Variants in CLNK observed in about 807,000 individuals in gnomAD.
CLNK encodes cytokine-dependent hematopoietic cell linker.
Under a neutral mutation model 68.6 loss-of-function variants are expected in CLNK, and 74 were observed. The ratio of observed to expected loss-of-function variants is 1.08; its 90% CI spans 0.89 to 1.31. The LOEUF is 1.31. Ranked by LOEUF, CLNK falls within the 50% of genes most tolerant of loss-of-function variation. The probability of loss-of-function intolerance (pLI) is 0.00; values close to 1 mark genes in which losing one functional copy is unlikely to be tolerated. For synonymous variants in CLNK, 198 were observed against 172.2 expected, an observed-to-expected ratio of 1.15 and a Z score of -1.17; for missense variants, 553 against 515.3, an observed-to-expected ratio of 1.07 and a Z score of -0.71.
intron 8 of CLNK, among the ~76,000 whole-genome samples, chr4:10,546,226 C>A (rs1008710709): frequency 2.6e-5 from 4 of 152,160 alleles, no homozygotes; most frequent in Non-Finnish European, 5.9e-5. Context: ...CCAAATTTAT[C>A]CACTCTACTT....
the CLNK span, among the ~76,000 whole-genome samples, chr4:10,734,431 G>T: frequency 1.3e-5 from 2 of 152,146 alleles, no homozygotes; most frequent in South Asian, 4.1e-4. Flanking sequence ...CTTTATCAGA[G>T]AATTCAGGTC....
the CLNK span, among the ~76,000 whole-genome samples, chr4:10,731,326 G>A: frequency 9.2e-5 from 14 of 152,086 alleles, no homozygotes; most frequent in Admixed American, 5.9e-4. Context: ...ACAGTCTCTC[G>A]CAATGCAACC....
At chr4:10,569,526 CTG>C (rs1720260255) in intron 5 of CLNK, among the ~76,000 whole-genome samples, 1 of 152,158 alleles carries the variant, frequency 6.6e-6, no homozygotes, top group Non-Finnish European at 1.5e-5. Context: ...AAATAAACCT[CTG>C]TTGTTTGAGC....
intron 11 of CLNK, among the ~76,000 whole-genome samples, chr4:10,535,912 G>A (rs1373341777): frequency 6.6e-6 from 1 of 152,098 alleles, no homozygotes; most frequent in Non-Finnish European, 1.5e-5. Flanking sequence ...TACATAAGTG[G>A]CTGAGAATGT....
chr4:10,680,975 G>A (rs1725073965), intron 1 of CLNK, among the ~76,000 whole-genome samples: 1 of 150,824 alleles, frequency 6.6e-6, no homozygotes, highest in Admixed American at 6.7e-5. Flanking sequence ...GCCCATGAGT[G>A]AGGACGTCCT....
At position 10,507,996 on chromosome 4, in the gene CLNK, C is replaced by A; in HGVS notation, c.947G>T (p.Arg316Leu). ...CATGAATGCCTCTTCCACTGCCTGG[C>A]GGCTGTATTCTCCAATGTACCATTC... The part of the protein sequence containing the change: ...HNEWYIGEYS[R>L]QAVEEAFMKE... The change falls in exon 17 of 19, where the codon CGC becomes CTC. Residue 316 changes from arginine (R) to leucine (L), a missense_variant. By Grantham distance (102) the Arg-to-Leu change is moderately radical. Coordinates refer to ENST00000226951, the MANE Select transcript of CLNK (RefSeq NM_052964.4). The A allele has an allele frequency of 1.9e-6, 3 of 1,610,662 alleles. No individual in the cohort carries two copies. The highest frequency in any genetic ancestry group is 1.3e-5 in the African/African-American group (1 of 75,018).
chr4:10,617,376 A>T (rs1722277792), intron 2 of CLNK, among the ~76,000 whole-genome samples: 1 of 152,196 alleles, frequency 6.6e-6, no homozygotes, highest in Non-Finnish European at 1.5e-5. Flanking sequence ...CCCCAAAAGA[A>T]TATTTGTTAA....
intron 1 of CLNK, among the ~76,000 whole-genome samples, chr4:10,668,967 A>G (rs1018737545): frequency 1.3e-5 from 2 of 152,168 alleles, no homozygotes; most frequent in Non-Finnish European, 2.9e-5. Flanking sequence ...AGTGGGTTTT[A>G]CAGTTAGACA....
At chr4:10,676,922 C>T (rs6844152) in intron 1 of CLNK, among the ~76,000 whole-genome samples, 6,163 of 151,082 alleles carry the variant, frequency 0.041, 188 homozygotes, top group Middle Eastern at 0.099. Context: ...CCAAGTTTGC[C>T]AAAATCCTAA....
At chr4:10,507,594 G>A (rs188174816) in intron 17 of CLNK, among the ~76,000 whole-genome samples, 10 of 152,108 alleles carry the variant, frequency 6.6e-5, no homozygotes, top group African/African-American at 2.2e-4. Context: ...CTCCTGAGTA[G>A]CTTGGATTAC....
chr4:10,646,294 G>A (rs547237190), intron 2 of CLNK, among the ~76,000 whole-genome samples: 119 of 152,120 alleles, frequency 7.8e-4, no homozygotes, highest in Non-Finnish European at 2.4e-4. Flanking sequence ...TAACTTGAAC[G>A]CTTCTTTTAA....
At chr4:10,705,027 C>G in the CLNK span, among the ~76,000 whole-genome samples, 1 of 152,042 alleles carries the variant, frequency 6.6e-6, no homozygotes, top group Admixed American at 6.6e-5. Flanking sequence ...AGGGAAGTAA[C>G]TTCATTAAGC....
intron 1 of CLNK, among the ~76,000 whole-genome samples, chr4:10,680,208 TC>T (rs1725042321): frequency 6.6e-6 from 1 of 151,984 alleles, no homozygotes; most frequent in Non-Finnish European, 1.5e-5. Context: ...TGAGTTCATG[TC>T]CTTTGTAGGG....
chr4:10,634,557 G>A (rs1002983249), intron 2 of CLNK, among the ~76,000 whole-genome samples: 1 of 152,120 alleles, frequency 6.6e-6, no homozygotes, highest in Non-Finnish European at 1.5e-5. Flanking sequence ...CTGCCTACTG[G>A]GCTTACACTG....
upstream of CLNK, chr4:10,685,055 A>G (rs1264833254): frequency 6.6e-6 from 1 of 152,232 alleles, no homozygotes; most frequent in Non-Finnish European, 1.5e-5. Context: ...ACACTCAAGC[A>G]TGGAAGGTGG....
At chr4:10,542,848 AGGT>A (rs1329354511) in intron 8 of CLNK, among the ~76,000 whole-genome samples, 1 of 152,076 alleles carries the variant, frequency 6.6e-6, no homozygotes, top group Non-Finnish European at 1.5e-5. Flanking sequence ...AGGACAAACT[AGGT>A]GGGATAATTT....
intron 10 of CLNK, 148 bp downstream of exon 10, chr4:10,541,874 T>G (rs976888638): frequency 2.3e-5 from 15 of 652,318 alleles, no homozygotes; most frequent in Non-Finnish European, 3.1e-5. Context: ...GAACATCTCA[T>G]ATTAGTTTTT....
intron 13 of CLNK, among the ~76,000 whole-genome samples, chr4:10,526,808 C>T (rs949100816): frequency 1.3e-5 from 2 of 152,168 alleles, no homozygotes; most frequent in Non-Finnish European, 2.9e-5. Flanking sequence ...TATGTTCCTG[C>T]TTTTTATTTT....
chr4:10,699,494 C>CTA, the CLNK span, among the ~76,000 whole-genome samples: 48 of 56,988 alleles, frequency 8.4e-4, no homozygotes, highest in Middle Eastern at 0.014. Context: ...CTCTCTCTCT[C>CTA]TATATATATA....
Sources: gnomAD v4.1 joint callset for allele counts (sites outside exome capture counted in the v4.1 genomes callset) on GRCh38, gnomAD v4.1.1 for gene constraint, MANE v1.5 for transcripts, NCBI Gene and HGNC (gene_info 2026-07-23, HGNC 2026-07-21) for gene names.